Variants in SP4 observed in about 807,000 individuals in gnomAD.
The protein encoded by SP4 is Sp4 transcription factor.
A neutral mutation model predicts 72.8 loss-of-function variants in SP4; 19 were observed. The ratio of observed to expected loss-of-function variants is 0.26; its 90% confidence interval spans 0.18 to 0.38. SP4 has a LOEUF of 0.38. SP4 is among the 10% of genes least tolerant of loss of function. The pLI, the probability that SP4 is intolerant of heterozygous loss-of-function variation, is 1.00. For synonymous variants in SP4, 395 were observed against 333.1 expected, an observed-to-expected ratio of 1.19 and a Z score of -2.02; for missense variants, 1,008 against 926.3, an observed-to-expected ratio of 1.09 and a Z score of -1.14.
At position 21,428,188 on chromosome 7, in the gene SP4, G is replaced by GCCCCCCCCCCCCCCCCCCAAC; in HGVS notation, c.-59_-58insCCCCCCCCCCCCCAACCCCCC. The GCCCCCCCCCCCCCCCCCCAAC allele has an allele frequency of 2.7e-6, 1 of 371,886 alleles. No homozygotes were observed. Among genetic ancestry groups the GCCCCCCCCCCCCCCCCCCAAC allele is most frequent in the African/African-American group, 2.8e-5 (1 of 35,666 alleles). 23.0% of individuals were successfully genotyped at this position (371,886 alleles called of 1,614,324 possible). ...CGGGACCGGCCTCTCCTCCCGCCTC[G>GCCCCCCCCCCCCCCCCCCAAC]CCCCCACCCCCACCCACCTCTATCC... On this transcript the variant is annotated 5_prime_UTR_variant, in exon 1 of 6. Transcript: ENST00000222584.
intron 3 of SP4, among the ~76,000 whole-genome samples, chr7:21,459,397 G>A (rs1783881547): frequency 6.6e-6 from 1 of 152,184 alleles, no homozygotes; most frequent in African/African-American, 2.4e-5. Context: ...GGGATTACAG[G>A]TGTGAGCCAC....
At chr7:21,499,645 A>C (rs62441762) in intron 5 of SP4, among the ~76,000 whole-genome samples, 6,721 of 152,270 alleles carry the variant, frequency 0.044, 238 homozygotes, top group Middle Eastern at 0.089. Context: ...GAGAAAATAA[A>C]TTTATGTTGT....
At chr7:21,435,185 ATTTC>A (rs1346216796) in intron 3 of SP4, among the ~76,000 whole-genome samples, 2 of 152,172 alleles carry the variant, frequency 1.3e-5, no homozygotes, top group Admixed American at 6.5e-5. Context: ...ATGAATGAAT[ATTTC>A]TTTGTCAATT....
intron 5 of SP4, among the ~76,000 whole-genome samples, chr7:21,488,479 C>CTTTTT (rs59893862): frequency 7.0e-4 from 93 of 133,114 alleles, no homozygotes; most frequent in East Asian, 1.1e-3. Flanking sequence ...ACTTCCTTTC[C>CTTTTT]TTTTTTTTTT....
chr7:21,459,591 T>C (rs1441538910), intron 3 of SP4, among the ~76,000 whole-genome samples: 1 of 152,236 alleles, frequency 6.6e-6, no homozygotes, highest in Non-Finnish European at 1.5e-5. Context: ...AACAGAAAAG[T>C]CCCAAGAATC....
chr7:21,464,908 A>G (rs1012023809), intron 3 of SP4, among the ~76,000 whole-genome samples: 1 of 152,254 alleles, frequency 6.6e-6, no homozygotes, highest in Non-Finnish European at 1.5e-5. Context: ...ACAATTTCAC[A>G]TAGAATTAGC....
chr7:21,429,610 G>C lies in SP4; in HGVS notation c.445G>C (p.Gly149Arg), dbSNP rs1308407745. The C allele has an allele frequency of 4.3e-6, 7 of 1,613,964 alleles. No homozygotes were observed. Among genetic ancestry groups the C allele is most frequent in the African/African-American group, 4.0e-5 (3 of 74,910 alleles). Residue 149 changes from glycine to arginine, a missense_variant, in exon 3 of 6, where the codon GGT becomes CGT. By Grantham distance (125) the Gly-to-Arg change is moderately radical. Transcript: ENST00000222584. ...TAAATCAGGTAATTCTTCCACCCCT[G>C]GTCAATTTCAAGTCATACAAGTACA... ...KTKSGNSSTP[G>R]QFQVIQVQNP...
intron 5 of SP4, 72 bp downstream of exon 5, chr7:21,482,195 T>A: frequency 3.3e-6 from 4 of 1,198,442 alleles, no homozygotes; most frequent in Non-Finnish European, 3.6e-6. Context: ...AGTGATAGTT[T>A]AGCTATCAAA....
intron 5 of SP4, chr7:21,482,961 T>C (rs1186244913): frequency 6.3e-6 from 1 of 158,630 alleles, no homozygotes; most frequent in Admixed American, 6.5e-5. Flanking sequence ...ACAAACTTAG[T>C]TGATGAGAAC....
At chr7:21,453,543 C>T (rs1400614734) in intron 3 of SP4, among the ~76,000 whole-genome samples, 1 of 152,068 alleles carries the variant, frequency 6.6e-6, no homozygotes, top group South Asian at 2.1e-4. Context: ...ATTCTGGAAC[C>T]CATACCAATA....
chr7:21,453,341 CA>C (rs984623769), intron 3 of SP4, among the ~76,000 whole-genome samples: 2 of 151,982 alleles, frequency 1.3e-5, no homozygotes, highest in African/African-American at 4.8e-5. Context: ...ATTATAAAAC[CA>C]CCTTTTAAAG....
At position 21,429,423 on chromosome 7, in the gene SP4, A is replaced by G. The variant is rs373463991; in HGVS notation, c.258A>G (p.Gln86=). 76 of 1,613,994 alleles carry G rather than the reference A, an allele frequency of 4.7e-5. No homozygotes were observed. Among genetic ancestry groups the G allele is most frequent in the Non-Finnish European group, 5.6e-5 (66 of 1,180,014 alleles). ...PSQGLVQLQN[Q]PQQLELVTTQ... Reference sequence around the variant, plus strand: ...AAGGATTGGTGCAACTTCAAAATCAACCACAACAGCTAGAACTGGTAACAA... The same window carrying G: ...AAGGATTGGTGCAACTTCAAAATCAGCCACAACAGCTAGAACTGGTAACAA... The change falls in exon 3 of 6, where the codon CAA becomes CAG. Residue 86 remains glutamine, a synonymous_variant. Coordinates refer to ENST00000222584, the MANE Select transcript of SP4 (RefSeq NM_003112.5).
chr7:21,497,793 A>G (rs1781760013), intron 5 of SP4, among the ~76,000 whole-genome samples: 2 of 152,214 alleles, frequency 1.3e-5, no homozygotes, highest in Non-Finnish European at 1.5e-5. Flanking sequence ...AGCCTAAATA[A>G]AGCATTTATA....
intron 4 of SP4, among the ~76,000 whole-genome samples, chr7:21,477,651 C>G (rs959534037): frequency 1.3e-5 from 2 of 151,870 alleles, no homozygotes; most frequent in Non-Finnish European, 2.9e-5. Context: ...ATTCTCCTGC[C>G]TCAGCCTTCC....
chr7:21,477,568 A>T (rs1784540868), intron 4 of SP4, among the ~76,000 whole-genome samples: 1 of 138,218 alleles, frequency 7.2e-6, no homozygotes, highest in African/African-American at 2.8e-5. Context: ...ATGGAGTGTC[A>T]CTCTGCTGCC....
At chr7:21,463,507 A>G (rs536337860) in intron 3 of SP4, among the ~76,000 whole-genome samples, 2 of 152,344 alleles carry the variant, frequency 1.3e-5, no homozygotes, top group East Asian at 3.9e-4. Context: ...TCAGCGAGAC[A>G]CAAGGGATTA....
At chr7:21,473,798 A>G (rs1784416552) in intron 3 of SP4, among the ~76,000 whole-genome samples, 2 of 152,336 alleles carry the variant, frequency 1.3e-5, no homozygotes, top group South Asian at 4.1e-4. Flanking sequence ...TTTGAGGGCC[A>G]GAAGAGAGGC....
rs1363252503 is a variant in SP4 at position 21,429,495 on chromosome 7, T to C, written c.330T>C (p.Pro110=). The C allele has an allele frequency of 6.2e-7, 1 of 1,614,206 alleles. No individual in the cohort carries two copies. The highest frequency in any genetic ancestry group is 2.2e-5 in the East Asian group (1 of 44,890). ...NAWQLVASTP[P]ASKENNVSQP... ...GGCAACTTGTTGCCTCCACTCCTCC[T>C]GCTTCAAAAGAGAATAACGTTTCTC... The change falls in exon 3 of 6, where the codon CCT becomes CCC. Residue 110 remains proline (P), a synonymous_variant. Coordinates refer to ENST00000222584, the MANE Select transcript of SP4 (RefSeq NM_003112.5).
At chr7:21,507,430 T>C (rs1782026956) in intron 5 of SP4, among the ~76,000 whole-genome samples, 1 of 152,226 alleles carries the variant, frequency 6.6e-6, no homozygotes, top group South Asian at 2.1e-4. Context: ...ACCCTCCTGC[T>C]GCCCCTTGAT....
Sources: allele counts gnomAD v4.1 joint callset (sites outside exome capture counted in the v4.1 genomes callset), GRCh38; gene constraint gnomAD v4.1.1; transcripts MANE v1.5; gene names NCBI Gene and HGNC (gene_info 2026-07-23, HGNC 2026-07-21).